The following THUMPD3 variants were observed in gnomAD, a reference collection of about 807,000 sequenced individuals.
THUMPD3 encodes the protein THUMP domain 3 tRNA guanosine methyltransferase.
A neutral mutation model predicts 54.5 loss-of-function variants in THUMPD3; 44 were observed. The ratio of observed to expected loss-of-function variants is 0.81; its 90% CI spans 0.63 to 1.04. THUMPD3 has a LOEUF of 1.04. Among genes scored for constraint, THUMPD3 ranks in the 50% least tolerant of loss-of-function variants. The pLI is 0.00. For missense variants in THUMPD3, 604 were observed against 601.3 expected (o/e 1.00, Z -0.05); for synonymous variants, 196 against 201.4 (o/e 0.97, Z 0.23).
In THUMPD3 at chr3:9,380,589, T is replaced by C. The variant is rs763015450; in HGVS notation, c.1095T>C (p.Ser365=). 6 of 1,613,304 alleles carry C rather than the reference T, an allele frequency of 3.7e-6. No homozygotes were observed. The South Asian group carries it at 6.6e-5, about 18-fold the overall frequency. ...AVNRAANNIA[S]LLTKSQIKEG... is the part of the protein sequence containing the mutation. The stretch of plus-strand genomic sequence containing the variant: ...ATAGAGCAGCAAATAACATTGCATC[T>C]TTATTGACCAAGAGCCAAATTAAAG... The change falls in exon 7 of 10, where the codon TCT becomes TCC. Residue 365 remains serine, a synonymous_variant. Coordinates refer to ENST00000452837, the MANE Select transcript of THUMPD3 (RefSeq NM_001114092.2).
Position 9,384,896 on chromosome 3 carries a change from A to T in THUMPD3, c.*208A>T, listed in dbSNP as rs2033227503. 1 of 573,792 alleles carries T rather than the reference A, an allele frequency of 1.7e-6. No homozygotes were observed. Among genetic ancestry groups the T allele is most frequent in the Non-Finnish European group, 3.0e-6 (1 of 333,450 alleles). 35.5% of individuals were successfully genotyped at this position (573,792 alleles called of 1,614,324 possible). A position where few individuals can be genotyped will look rare whatever the true frequency, so the allele number is the denominator to read the frequency against. On this transcript the variant is annotated 3_prime_UTR_variant, in exon 10 of 10. Transcript: ENST00000452837. ...CACAGTGGCTCACGACTGTAATTCC[A>T]GCAGTTTAGGAAGCCGAAGTGTGCA...
intron 8 of THUMPD3, 69 bp from the exon 9 acceptor site, chr3:9,384,143 T>G: frequency 2.6e-6 from 4 of 1,538,118 alleles, no homozygotes; most frequent in Middle Eastern, 2.0e-4. Context: ...TGAAACTGTT[T>G]TTGTTTCATA....
At chr3:9,365,354 A>T (rs775015481) in intron 2 of THUMPD3, 34 bp downstream of exon 2, 2 of 1,606,198 alleles carry the variant, frequency 1.2e-6, no homozygotes, top group East Asian at 4.5e-5. Context: ...ATAGTTTTCT[A>T]AGTTGATCAT....
At chr3:9,373,745 G>A (rs1172708239) in intron 4 of THUMPD3, among the ~76,000 whole-genome samples, 2 of 152,128 alleles carry the variant, frequency 1.3e-5, no homozygotes, top group Admixed American at 6.5e-5. Flanking sequence ...ACAGGGTCTC[G>A]CTGTATCACC....
In THUMPD3 at chr3:9,380,649, TTA is replaced by T. The variant is rs1254452688; in HGVS notation, c.1124+32_1124+33del. ...AATTTAAAAGATTTCTTAGCATCTT[TTA>T]GAGTTAGAGAATCACTTTTTATATT... On this transcript the variant is annotated intron_variant, in intron 7 of 9. Transcript: ENST00000452837. 2.7e-6 allele frequency: 4 copies of T among 1,481,456 alleles called. No homozygotes were observed. The East Asian group carries it at 6.9e-5, about 26-fold the overall frequency. The allele number at this position is 1,481,456 out of a possible 1,614,324, so 91.8% of individuals were successfully genotyped here.
intron 4 of THUMPD3, among the ~76,000 whole-genome samples, chr3:9,371,936 G>T (rs1368455599): frequency 6.6e-6 from 1 of 152,190 alleles, no homozygotes; most frequent in African/African-American, 2.4e-5. Flanking sequence ...GAGTGCAGTG[G>T]TACGATCTCA....
intron 1 of THUMPD3, 172 bp downstream of exon 1, chr3:9,363,299 G>A (rs2031050800): frequency 6.6e-6 from 1 of 152,212 alleles, no homozygotes; most frequent in Non-Finnish European, 1.5e-5. Flanking sequence ...CGCTCCCTAG[G>A]ATTCCCGGGC....
At chr3:9,364,357 A>T (rs578132614) in intron 1 of THUMPD3, among the ~76,000 whole-genome samples, 43 of 151,146 alleles carry the variant, frequency 2.8e-4, no homozygotes, top group African/African-American at 8.5e-4. Flanking sequence ...TTATTTATTT[A>T]TTTTTTTGAG....
chr3:9,381,664 T>TA (rs397831563), intron 7 of THUMPD3, among the ~76,000 whole-genome samples: 27 of 151,212 alleles, frequency 1.8e-4, no homozygotes, highest in African/African-American at 6.6e-4. Context: ...TTTTTTTTTT[T>TA]AATTAAAACT....
intron 7 of THUMPD3, among the ~76,000 whole-genome samples, chr3:9,382,671 G>A (rs889063937): frequency 2.0e-5 from 3 of 152,104 alleles, no homozygotes; most frequent in African/African-American, 4.8e-5. Context: ...TACTGCTTCA[G>A]CATTGTTTTT....
At chr3:9,381,849 G>A (rs1254333485) in intron 7 of THUMPD3, among the ~76,000 whole-genome samples, 10 of 124,444 alleles carry the variant, frequency 8.0e-5, no homozygotes, top group East Asian at 2.6e-4. Context: ...GCTTGATCTC[G>A]GCTCACTGCA....
At chr3:9,377,203 CGT>C (rs137922488) in intron 5 of THUMPD3, among the ~76,000 whole-genome samples, 100 of 148,002 alleles carry the variant, frequency 6.8e-4, no homozygotes, top group South Asian at 1.9e-3. Flanking sequence ...TATGCATGAG[CGT>C]GTGTGTGTGT....
At chr3:9,377,795 C>T in intron 5 of THUMPD3, 24 bp from the exon 6 acceptor site, 1 of 1,602,604 alleles carries the variant, frequency 6.2e-7, no homozygotes, top group African/African-American at 1.3e-5. Context: ...TGAGTCTTCA[C>T]ATAGGCTGTT....
At position 9,370,591 on chromosome 3, in the gene THUMPD3, C is replaced by T. The variant is rs547568188; in HGVS notation, c.331-469C>T. On this transcript the variant is annotated intron_variant, in intron 3 of 9. Coordinates refer to ENST00000452837, the MANE Select transcript of THUMPD3 (RefSeq NM_001114092.2). Reference sequence around the variant, plus strand: ...TCCTGAGTAGCTGGGACTACAGGCACGTGCCACCATGCCCAGTTAATTTTT... The same window carrying T: ...TCCTGAGTAGCTGGGACTACAGGCATGTGCCACCATGCCCAGTTAATTTTT... 3.3e-5 allele frequency among the ~76,000 whole-genome samples: 5 copies of T among 152,270 alleles called. No homozygotes were observed. In the South Asian group the frequency reaches 8.3e-4, roughly 25 times the overall value.
chr3:9,373,929 G>T (rs563160636), intron 4 of THUMPD3, among the ~76,000 whole-genome samples: 21 of 152,180 alleles, frequency 1.4e-4, no homozygotes, highest in African/African-American at 4.3e-4. Flanking sequence ...CTTTTTTGTT[G>T]AGATACACTT....
In THUMPD3 at chr3:9,385,539, C is replaced by T. The variant is rs1278796459; in HGVS notation, c.*851C>T. The T allele has an allele frequency of 6.6e-6, 1 of 152,126 alleles. No homozygotes were observed. The highest frequency in any genetic ancestry group is 1.5e-5 in the Non-Finnish European group (1 of 68,026). The allele number at this position is 152,126 out of a possible 1,614,324, so 9.4% of individuals were successfully genotyped here. A position where few individuals can be genotyped will look rare whatever the true frequency, so the allele number is the denominator to read the frequency against. On this transcript the variant is annotated 3_prime_UTR_variant, in exon 10 of 10. Coordinates refer to ENST00000452837, the MANE Select transcript of THUMPD3 (RefSeq NM_001114092.2). ...CCATCTGCCTTAAATATTAAAATAT[C>T]CATCTGTTATTCACATTAATACACA...
rs549333195 is a variant in THUMPD3, at chr3:9,384,975, A to AC, written c.*288dup. 60 of 289,630 alleles carry AC rather than the reference A, an allele frequency of 2.1e-4. No individual in the cohort carries two copies. Among genetic ancestry groups the AC allele is most frequent in the African/African-American group, 1.3e-3 (59 of 46,110 alleles). The allele number at this position is 289,630 out of a possible 1,614,324, so 17.9% of individuals were successfully genotyped here. A position where few individuals can be genotyped will look rare whatever the true frequency, so the allele number is the denominator to read the frequency against. ...GCCAACATGGTGAAACCCTGTCTCT[A>AC]CTAGAAATACAAAAATTAGCCAGGT... On this transcript the variant is annotated 3_prime_UTR_variant, in exon 10 of 10. Coordinates refer to ENST00000452837, the MANE Select transcript of THUMPD3 (RefSeq NM_001114092.2).
intron 5 of THUMPD3, 74 bp downstream of exon 5, chr3:9,374,720 T>G: frequency 6.6e-7 from 1 of 1,525,496 alleles, no homozygotes; most frequent in East Asian, 2.3e-5. Flanking sequence ...TACTGATTTG[T>G]GTGTATGTGT....
rs1485259955 is a variant in THUMPD3 at position 9,384,981 on chromosome 3, A to G, written c.*293A>G. 3.6e-6 allele frequency: 1 copy of G among 277,182 alleles called. No homozygotes were observed. Among genetic ancestry groups the G allele is most frequent in the African/African-American group, 2.2e-5 (1 of 45,590 alleles). 17.2% of individuals were successfully genotyped at this position (277,182 alleles called of 1,614,324 possible). A position where few individuals can be genotyped will look rare whatever the true frequency, so the allele number is the denominator to read the frequency against. On this transcript the variant is annotated 3_prime_UTR_variant, in exon 10 of 10. Transcript: ENST00000452837. ...ATGGTGAAACCCTGTCTCTACTAGA[A>G]ATACAAAAATTAGCCAGGTGTGGTG...
Sources: gnomAD v4.1 joint callset for allele counts (sites outside exome capture counted in the v4.1 genomes callset) on GRCh38, gnomAD v4.1.1 for gene constraint, MANE v1.5 for transcripts, NCBI Gene and HGNC (gene_info 2026-07-23, HGNC 2026-07-21) for gene names.